ABI3BP: variants seen among roughly 807,000 people sequenced by gnomAD.
ABI3BP encodes the protein ABI family member 3 binding protein, also known as target of Nesh-SH3.
A neutral mutation model predicts 268.6 loss-of-function variants in ABI3BP; 216 were observed. The observed-to-expected ratio is 0.80, with a 90% CI of 0.72 to 0.90. The LOEUF is 0.90. Ranked by LOEUF, ABI3BP falls within the 40% of genes least tolerant of loss-of-function variation. ABI3BP has a pLI of 0.00. For missense variants in ABI3BP, 2,090 were observed against 2,182.4 expected (o/e 0.96, Z 0.84); for synonymous variants, 730 against 730.0 (o/e 1.00, Z 0.00).
intron 63 of ABI3BP, among the ~76,000 whole-genome samples, chr3:100,755,694 A>G (rs2095578222): frequency 6.6e-6 from 1 of 152,252 alleles, no homozygotes; most frequent in Non-Finnish European, 1.5e-5. Context: ...TTTTAAAGAA[A>G]TGTAAACAGT....
At chr3:100,752,707 A>C in intron 66 of ABI3BP, 80 bp downstream of exon 66, 2 of 1,498,008 alleles carry the variant, frequency 1.3e-6, no homozygotes, top group Non-Finnish European at 1.8e-6. Flanking sequence ...TGAAACTCTT[A>C]AGAAAAGGCC....
At chr3:100,777,924 AATG>A (rs1560007269) in intron 59 of ABI3BP, among the ~76,000 whole-genome samples, 1 of 152,206 alleles carries the variant, frequency 6.6e-6, no homozygotes, top group African/African-American at 2.4e-5. Context: ...CAGGAGACAG[AATG>A]ATAAGTCAAT....
chr3:100,931,811 A>G (rs1448252863), intron 1 of ABI3BP, among the ~76,000 whole-genome samples: 4 of 152,084 alleles, frequency 2.6e-5, no homozygotes, highest in African/African-American at 7.2e-5. Flanking sequence ...TGTTCTTTCT[A>G]TCAACTACGA....
intron 9 of ABI3BP, among the ~76,000 whole-genome samples, chr3:100,869,760 C>T (rs1309614243): frequency 6.6e-6 from 1 of 152,174 alleles, no homozygotes; most frequent in Non-Finnish European, 1.5e-5. Context: ...CATTCACCCA[C>T]ACTATCTATG....
intron 1 of ABI3BP, among the ~76,000 whole-genome samples, chr3:100,951,068 A>G (rs1338326836): frequency 6.6e-6 from 1 of 152,016 alleles, no homozygotes; most frequent in Admixed American, 6.5e-5. Context: ...CCACACCAGC[A>G]TTAGAATAAT....
intron 10 of ABI3BP, among the ~76,000 whole-genome samples, chr3:100,866,464 G>A (rs1388950864): frequency 6.6e-6 from 1 of 152,138 alleles, no homozygotes; most frequent in Non-Finnish European, 1.5e-5. Context: ...AATGATTCCA[G>A]GGTATTTTCA....
intron 1 of ABI3BP, among the ~76,000 whole-genome samples, chr3:100,969,620 A>G (rs190952434): frequency 6.6e-6 from 1 of 152,324 alleles, no homozygotes; most frequent in African/African-American, 2.4e-5. Context: ...ACCCTACACT[A>G]TCTTTAAATC....
intron 1 of ABI3BP, among the ~76,000 whole-genome samples, chr3:100,962,054 A>G (rs114004801): frequency 7.3e-4 from 111 of 152,302 alleles, no homozygotes; most frequent in African/African-American, 2.2e-3. Context: ...GGTAGATGGT[A>G]TAAGTATAAA....
chr3:100,921,028 C>T (rs2060060207), intron 2 of ABI3BP, among the ~76,000 whole-genome samples: 1 of 152,150 alleles, frequency 6.6e-6, no homozygotes, highest in African/African-American at 2.4e-5. Flanking sequence ...GCATCCTTTT[C>T]CTCACTAGAG....
In ABI3BP at chr3:100,847,542, G is replaced by C. The variant is rs1462860931; in HGVS notation, c.1648+60C>G. On this transcript the variant is annotated intron_variant, in intron 19 of 67. Coordinates refer to ENST00000471714, the MANE Select transcript of ABI3BP (RefSeq NM_001375547.2). ...TAACAGACATTACATAAAAGCTGGGGTACTGGATTTTCCATGGTGAAATGA... is the reference window on the plus strand; with the variant it reads ...TAACAGACATTACATAAAAGCTGGGCTACTGGATTTTCCATGGTGAAATGA... 5.1e-6 allele frequency: 7 copies of C among 1,379,800 alleles called. No homozygotes were observed. In the Admixed American group the frequency reaches 1.0e-4, roughly 20 times the overall value. The allele number at this position is 1,379,800 out of a possible 1,614,324, so 85.5% of individuals were successfully genotyped here.
intron 62 of ABI3BP, 112 bp from the exon 63 acceptor site, chr3:100,766,061 G>A: frequency 1.4e-6 from 1 of 726,254 alleles, no homozygotes; most frequent in South Asian, 1.7e-5. Flanking sequence ...CAATTGAGAT[G>A]GAAGTTCTAG....
At chr3:100,920,412 GCTT>G (rs2059879973) in intron 2 of ABI3BP, among the ~76,000 whole-genome samples, 1 of 151,946 alleles carries the variant, frequency 6.6e-6, no homozygotes, top group Non-Finnish European at 1.5e-5. Flanking sequence ...GTCTATATTA[GCTT>G]CTTTTTTTTA....
At position 100,805,258 on chromosome 3, in the gene ABI3BP, C is replaced by T. The variant is rs188987799; in HGVS notation, c.3683-392G>A. ...TCCTTAAAGACAAAGTAGGTAAAGA[C>T]GGTGAGGTCAGGGTGGAATCCTATG... On this transcript the variant is annotated intron_variant, in intron 50 of 67. Transcript: ENST00000471714. Among the ~76,000 whole-genome samples, 7 of 152,112 alleles carry T rather than the reference C, an allele frequency of 4.6e-5. No individual in the cohort carries two copies. In the East Asian group the frequency reaches 1.2e-3, roughly 25 times the overall value.
chr3:100,951,309 C>T (rs1046072816), intron 1 of ABI3BP, among the ~76,000 whole-genome samples: 8 of 152,038 alleles, frequency 5.3e-5, no homozygotes, highest in African/African-American at 1.9e-4. Flanking sequence ...CAGTGGTATC[C>T]TAATTCTCAT....
chr3:100,758,109 CA>C (rs202096775), intron 63 of ABI3BP, among the ~76,000 whole-genome samples: 18 of 146,382 alleles, frequency 1.2e-4, no homozygotes, highest in South Asian at 2.2e-4. Flanking sequence ...AACAAACAAA[CA>C]AAAAAAAAAC....
intron 49 of ABI3BP, among the ~76,000 whole-genome samples, chr3:100,809,421 A>G (rs1172558732): frequency 6.6e-6 from 1 of 152,090 alleles, no homozygotes; most frequent in African/African-American, 2.4e-5. Context: ...GCATGTCATA[A>G]AGCAATTCCA....
intron 20 of ABI3BP, chr3:100,843,994 T>C (rs2098739004): frequency 1.0e-6 from 1 of 984,468 alleles, no homozygotes; most frequent in African/African-American, 1.7e-5. Context: ...CTCCATCAAT[T>C]AAGCTTCAAA....
At chr3:100,826,164 G>A (rs2098380808) in intron 34 of ABI3BP, among the ~76,000 whole-genome samples, 1 of 152,220 alleles carries the variant, frequency 6.6e-6, no homozygotes, top group African/African-American at 2.4e-5. Context: ...GAAAGGCCAT[G>A]TGAGGATACA....
At chr3:100,865,872 C>A (rs1051363306) in intron 10 of ABI3BP, among the ~76,000 whole-genome samples, 1 of 152,134 alleles carries the variant, frequency 6.6e-6, no homozygotes, top group African/African-American at 2.4e-5. Flanking sequence ...ATACGGAAGT[C>A]AAAAACCATC....
Sources: allele counts gnomAD v4.1 joint callset (sites outside exome capture counted in the v4.1 genomes callset), GRCh38; gene constraint gnomAD v4.1.1; transcripts MANE v1.5; gene names NCBI Gene and HGNC (gene_info 2026-07-23, HGNC 2026-07-21).